The following THSD7A variants were observed in gnomAD, a reference collection of about 807,000 sequenced individuals.
THSD7A encodes the protein thrombospondin type-1 domain-containing protein 7A.
THSD7A carries 96 observed loss-of-function variants against 231.3 expected under a neutral mutation model. The ratio of observed to expected loss-of-function variants is 0.41; its 90% CI spans 0.35 to 0.49. The LOEUF (loss-of-function observed/expected upper bound fraction) is 0.49. THSD7A is among the 20% of genes least tolerant of loss of function. The pLI is 0.05. For synonymous variants in THSD7A, 940 were observed against 743.3 expected (o/e 1.26, Z -4.30); for missense variants, 2,290 against 2,070.2 (o/e 1.11, Z -2.06).
chr7:11,751,260 A>C (rs1457855077), intron 1 of THSD7A: 1 of 152,104 alleles, frequency 6.6e-6, no homozygotes, highest in Admixed American at 6.6e-5. Context: ...GGTCTTCTTA[A>C]GGGTGGAGGA....
chr7:11,486,836 A>G (rs1386202745), intron 6 of THSD7A, among the ~76,000 whole-genome samples: 1 of 152,212 alleles, frequency 6.6e-6, no homozygotes, highest in African/African-American at 2.4e-5. Context: ...GCCAAAATAC[A>G]GAACATTTAT....
intron 6 of THSD7A, among the ~76,000 whole-genome samples, chr7:11,511,888 A>T (rs1318093998): frequency 4.6e-5 from 7 of 152,140 alleles, no homozygotes; most frequent in African/African-American, 1.2e-4. Context: ...GGACTTCATG[A>T]CTAAAACACC....
At chr7:11,775,296 C>G (rs1467592078) in intron 1 of THSD7A, among the ~76,000 whole-genome samples, 1 of 152,056 alleles carries the variant, frequency 6.6e-6, no homozygotes, top group Non-Finnish European at 1.5e-5. Flanking sequence ...GGTGTTTCCT[C>G]AAACCCATTA....
At chr7:11,666,486 C>T (rs951159859) in intron 1 of THSD7A, among the ~76,000 whole-genome samples, 35 of 152,038 alleles carry the variant, frequency 2.3e-4, no homozygotes, top group Middle Eastern at 3.4e-3. Context: ...GGATGCTCCA[C>T]CTGTATTATA....
Position 11,634,817 on chromosome 7 carries a change from G to A in THSD7A, c.1022+1313C>T, listed in dbSNP as rs962127925. ...CAGTAACCAGAACTCTATGATGAGA[G>A]AAAGTTATTGTCTTAGACAGACCAA... On this transcript the variant is annotated intron_variant, in intron 2 of 27. Coordinates refer to ENST00000423059, the MANE Select transcript of THSD7A (RefSeq NM_015204.3). This position sits in a 1 kb window ranked among gnomAD's most constrained non-coding sequence, Gnocchi z 4.1. Among the ~76,000 whole-genome samples the A allele has an allele frequency of 2.0e-5, 3 of 152,100 alleles. No individual in the cohort carries two copies. The highest frequency in any genetic ancestry group is 4.4e-5 in the Non-Finnish European group (3 of 68,014).
At chr7:11,380,076 CTT>C (rs1453460138) in intron 24 of THSD7A, among the ~76,000 whole-genome samples, 1 of 152,172 alleles carries the variant, frequency 6.6e-6, no homozygotes. Context: ...AGTTAAAATT[CTT>C]TCTTGGAGAT....
intron 2 of THSD7A, among the ~76,000 whole-genome samples, chr7:11,618,337 C>T (rs879592725): frequency 2.0e-5 from 3 of 151,806 alleles, no homozygotes; most frequent in South Asian, 2.1e-4. Flanking sequence ...TGTATATACA[C>T]GTAAGATGTA....
At chr7:11,596,329 T>C (rs1280024983) in intron 2 of THSD7A, among the ~76,000 whole-genome samples, 1 of 152,164 alleles carries the variant, frequency 6.6e-6, no homozygotes, top group Non-Finnish European at 1.5e-5. Context: ...AAAACATCAC[T>C]GTGGTCCTCC....
intron 13 of THSD7A, among the ~76,000 whole-genome samples, chr7:11,434,825 TA>T (rs985202623): frequency 2.0e-5 from 3 of 151,972 alleles, no homozygotes; most frequent in Non-Finnish European, 4.4e-5. Flanking sequence ...AATTATATAT[TA>T]AAAACTGGTG....
At chr7:11,628,178 G>A (rs1167171615) in intron 2 of THSD7A, among the ~76,000 whole-genome samples, 1 of 152,046 alleles carries the variant, frequency 6.6e-6, no homozygotes, top group Non-Finnish European at 1.5e-5. Context: ...ACTAATAAAT[G>A]TGGAAATGTT....
intron 1 of THSD7A, among the ~76,000 whole-genome samples, chr7:11,674,974 GACAAGATGGCC>G (rs1462643778): frequency 1.3e-5 from 2 of 152,144 alleles, no homozygotes; most frequent in Admixed American, 6.5e-5. Context: ...CAGATTCCTA[GACAAGATGGCC>G]GAATAGGAAC....
chr7:11,738,496 CA>C (rs531176327), intron 1 of THSD7A, among the ~76,000 whole-genome samples: 125 of 152,068 alleles, frequency 8.2e-4, no homozygotes, highest in African/African-American at 3.0e-3. Context: ...TTTGAAGTGG[CA>C]GTATGATGTA....
chr7:11,508,699 G>A (rs1787662813), intron 6 of THSD7A, among the ~76,000 whole-genome samples: 1 of 152,180 alleles, frequency 6.6e-6, no homozygotes, highest in Non-Finnish European at 1.5e-5. Flanking sequence ...CAACCTAAGT[G>A]TCTATTTATG....
rs1445127403 is a variant in THSD7A at position 11,786,663 on chromosome 7, A to G, written c.190+45094T>C. On this transcript the variant is annotated intron_variant, in intron 1 of 27. Coordinates refer to ENST00000423059, the MANE Select transcript of THSD7A (RefSeq NM_015204.3). Reference sequence around the variant, plus strand: ...ATAAACCACCATTTAAAAACAAACCATTTGAAAACTAGCAAACAAAAACTA... The same window carrying G: ...ATAAACCACCATTTAAAAACAAACCGTTTGAAAACTAGCAAACAAAAACTA... Among the ~76,000 whole-genome samples, 3 of 149,452 alleles carry G rather than the reference A, an allele frequency of 2.0e-5. No individual in the cohort carries two copies. The East Asian group carries it at 5.8e-4, about 29-fold the overall frequency.
At chr7:11,392,285 G>A (rs1397553241) in intron 23 of THSD7A, among the ~76,000 whole-genome samples, 1 of 152,020 alleles carries the variant, frequency 6.6e-6, no homozygotes, top group Non-Finnish European at 1.5e-5. Context: ...CCTGGGAAGT[G>A]CGAGGGGTTG....
chr7:11,706,903 A>G (rs934390015), intron 1 of THSD7A, among the ~76,000 whole-genome samples: 1 of 150,552 alleles, frequency 6.6e-6, no homozygotes, highest in African/African-American at 2.4e-5. Context: ...CAATCCACTC[A>G]GCTCTGATTC....
At chr7:11,470,488 A>G (rs1785893006) in intron 8 of THSD7A, among the ~76,000 whole-genome samples, 1 of 151,922 alleles carries the variant, frequency 6.6e-6, no homozygotes, top group Non-Finnish European at 1.5e-5. Context: ...TTCTTTACAC[A>G]GTACATGCTC....
chr7:11,575,059 G>T (rs1245463828), intron 4 of THSD7A, among the ~76,000 whole-genome samples: 1 of 152,070 alleles, frequency 6.6e-6, no homozygotes. Context: ...TAATAATAGT[G>T]CTTACCTCAT....
chr7:11,504,521 T>G (rs1787466426), intron 6 of THSD7A, among the ~76,000 whole-genome samples: 1 of 152,156 alleles, frequency 6.6e-6, no homozygotes, highest in East Asian at 1.9e-4. Flanking sequence ...CCGCTATTAT[T>G]CCTTTTTTAA....
Sources: gnomAD v4.1 joint callset for allele counts (sites outside exome capture counted in the v4.1 genomes callset) on GRCh38, gnomAD v4.1.1 for gene constraint, Gnocchi (gnomAD v3.1) non-coding constraint, MANE v1.5 for transcripts, NCBI Gene and HGNC (gene_info 2026-07-23, HGNC 2026-07-21) for gene names.